ALCAM: variants seen among roughly 807,000 people sequenced by gnomAD.
ALCAM encodes activated leukocyte cell adhesion molecule.
Under a neutral mutation model 70.9 loss-of-function variants are expected in ALCAM, and 30 were observed. That is an observed-to-expected ratio of 0.42 (90% confidence interval 0.32 to 0.57). ALCAM has a LOEUF of 0.57. Ranked by LOEUF, ALCAM falls within the 20% of genes least tolerant of loss-of-function variation. ALCAM has a pLI of 0.11. For missense variants in ALCAM, 591 were observed against 695.1 expected (o/e 0.85, Z 1.68); for synonymous variants, 249 against 242.5 (o/e 1.03, Z -0.25).
chr3:105,478,275 G>A (rs950763345), intron 1 of ALCAM, among the ~76,000 whole-genome samples: 1 of 152,050 alleles, frequency 6.6e-6, no homozygotes, highest in Non-Finnish European at 1.5e-5. Flanking sequence ...TTAAATTTTT[G>A]TTATGTTCTT....
chr3:105,442,482 T>A (rs879718336), intron 1 of ALCAM, among the ~76,000 whole-genome samples: 14 of 152,240 alleles, frequency 9.2e-5, no homozygotes, highest in Admixed American at 9.2e-4. Flanking sequence ...GAGTTACTCA[T>A]AAAAAATGAG....
intron 1 of ALCAM, among the ~76,000 whole-genome samples, chr3:105,390,536 C>T (rs1216878148): frequency 6.6e-6 from 1 of 151,964 alleles, no homozygotes; most frequent in East Asian, 1.9e-4. Flanking sequence ...AAATTTTCTC[C>T]CATTCTGTAG....
chr3:105,410,995 TCTC>T (rs1292744254), intron 1 of ALCAM, among the ~76,000 whole-genome samples: 1 of 152,070 alleles, frequency 6.6e-6, no homozygotes, highest in African/African-American at 2.4e-5. Flanking sequence ...ATACCATACT[TCTC>T]CTAACCCATT....
chr3:105,526,523 G>T (rs1397345467), intron 3 of ALCAM, among the ~76,000 whole-genome samples: 1 of 152,050 alleles, frequency 6.6e-6, no homozygotes, highest in African/African-American at 2.4e-5. Context: ...AAAACAAAGT[G>T]ATTCTCAGAA....
At chr3:105,486,726 A>G (rs1938438867) in intron 1 of ALCAM, among the ~76,000 whole-genome samples, 1 of 152,146 alleles carries the variant, frequency 6.6e-6, no homozygotes, top group South Asian at 2.1e-4. Context: ...GACATATAGG[A>G]AAGTCAGCTT....
intron 1 of ALCAM, among the ~76,000 whole-genome samples, chr3:105,368,933 T>C (rs958803780): frequency 1.3e-5 from 2 of 152,130 alleles, no homozygotes; most frequent in African/African-American, 4.8e-5. Context: ...TTCAACCGGA[T>C]TTAAAGCAGG....
At chr3:105,448,778 G>A (rs1453983601) in intron 1 of ALCAM, among the ~76,000 whole-genome samples, 1 of 152,166 alleles carries the variant, frequency 6.6e-6, no homozygotes, top group Admixed American at 6.5e-5. Context: ...CAGGGAACTC[G>A]CCTATGGACA....
At chr3:105,562,536 C>T (rs1940648515) in intron 14 of ALCAM, among the ~76,000 whole-genome samples, 1 of 152,064 alleles carries the variant, frequency 6.6e-6, no homozygotes, top group African/African-American at 2.4e-5. Flanking sequence ...ATACTATTTA[C>T]TGACATTTTA....
At position 105,520,066 on chromosome 3, in the gene ALCAM, G is replaced by A; in HGVS notation, c.74-1G>A. 1 of 1,575,976 alleles carries A rather than the reference G, an allele frequency of 6.3e-7. No homozygotes were observed. The highest frequency in any genetic ancestry group is 8.6e-7 in the Non-Finnish European group (1 of 1,157,996). On this transcript the variant is annotated splice_acceptor_variant, in intron 1 of 15. Coordinates refer to ENST00000306107, the MANE Select transcript of ALCAM (RefSeq NM_001627.4). LOFTEE classifies it high-confidence loss of function. ...TCTTCCTTTTTTTTTTTCCCCCAAA[G>A]GCCTTGGATGGTATACTGTAAATTC...
At chr3:105,435,852 G>T (rs906827709) in intron 1 of ALCAM, among the ~76,000 whole-genome samples, 1 of 151,930 alleles carries the variant, frequency 6.6e-6, no homozygotes, top group Non-Finnish European at 1.5e-5. Context: ...GTGCAGTGGC[G>T]CGATCTCGGC....
At chr3:105,531,343 C>T (rs1939834874) in intron 3 of ALCAM, 1 of 152,066 alleles carries the variant, frequency 6.6e-6, no homozygotes, top group African/African-American at 2.4e-5. Context: ...AAGATTTTCT[C>T]ACATTTACAC....
At chr3:105,423,525 T>C (rs1576153737) in intron 1 of ALCAM, among the ~76,000 whole-genome samples, 2 of 150,826 alleles carry the variant, frequency 1.3e-5, no homozygotes, top group South Asian at 4.2e-4. Flanking sequence ...AAACATCATA[T>C]AATCAGGTCT....
intron 1 of ALCAM, among the ~76,000 whole-genome samples, chr3:105,403,727 C>G (rs1476161618): frequency 6.6e-6 from 1 of 151,618 alleles, no homozygotes; most frequent in Non-Finnish European, 1.5e-5. Context: ...GGATCCAAAC[C>G]AAGACAAAAT....
At position 105,541,621 on chromosome 3, in the gene ALCAM, C is replaced by T. The variant is rs769223583; in HGVS notation, c.859-12C>T. The T allele has an allele frequency of 1.2e-6, 2 of 1,610,064 alleles. No individual in the cohort carries two copies. The highest frequency in any genetic ancestry group is 1.1e-5 in the South Asian group (1 of 90,654). On this transcript the variant is annotated splice_polypyrimidine_tract_variant and intron_variant, in intron 7 of 15. Coordinates refer to ENST00000306107, the MANE Select transcript of ALCAM (RefSeq NM_001627.4). ...CAAGTATAATCATCTGACATTTTGC[C>T]TCTATCAAAAGGGACAGCCCGAAGG...
At chr3:105,530,402 CAGAAACTGGTGTCTATTTTG>C (rs1486188400) in intron 3 of ALCAM, among the ~76,000 whole-genome samples, 3 of 152,014 alleles carry the variant, frequency 2.0e-5, no homozygotes, top group Non-Finnish European at 4.4e-5. Context: ...ATATGTTTCC[CAGAAACTGGTGTCTATTTTG>C]AGAAGCTTTT....
chr3:105,472,575 A>G (rs1937965518), intron 1 of ALCAM, among the ~76,000 whole-genome samples: 1 of 151,548 alleles, frequency 6.6e-6, no homozygotes, highest in South Asian at 2.1e-4. Flanking sequence ...AAGAAAAACA[A>G]TGTGACAATA....
intron 1 of ALCAM, among the ~76,000 whole-genome samples, chr3:105,397,111 T>G (rs191558907): frequency 1.1e-4 from 17 of 152,204 alleles, no homozygotes; most frequent in African/African-American, 4.1e-4. Flanking sequence ...CAATAAAGTG[T>G]GTCTCCTGAA....
intron 1 of ALCAM, among the ~76,000 whole-genome samples, chr3:105,419,345 T>C (rs1374052979): frequency 6.6e-6 from 1 of 151,652 alleles, no homozygotes; most frequent in Non-Finnish European, 1.5e-5. Context: ...TTTGAGAAAA[T>C]AGTGTAGAAA....
intron 1 of ALCAM, among the ~76,000 whole-genome samples, chr3:105,408,258 A>G (rs1936299052): frequency 6.6e-6 from 1 of 152,160 alleles, no homozygotes; most frequent in African/African-American, 2.4e-5. Context: ...AGCCAAAGCA[A>G]AAAGAACAAA....
Sources: allele counts gnomAD v4.1 joint callset (sites outside exome capture counted in the v4.1 genomes callset), GRCh38; gene constraint gnomAD v4.1.1; transcripts MANE v1.5; gene names NCBI Gene and HGNC (gene_info 2026-07-23, HGNC 2026-07-21).